The following ACTR3C variants were observed in gnomAD, a reference collection of about 807,000 sequenced individuals.
ACTR3C encodes actin related protein 3C, also known as actin-related protein 3C.
In ACTR3C, 18 loss-of-function variants were observed where a neutral mutation model predicts 26.3. The observed-to-expected ratio is 0.68, with a 90% CI of 0.47 to 1.01. The LOEUF (loss-of-function observed/expected upper bound fraction) is 1.01, where lower values mean the gene tolerates loss of function less well. Ranked by LOEUF, ACTR3C falls within the 50% of genes least tolerant of loss-of-function variation. The probability of loss-of-function intolerance (pLI) is 0.00; values close to 1 mark genes in which losing one functional copy is unlikely to be tolerated. For synonymous variants in ACTR3C, 55 were observed against 94.5 expected (o/e 0.58, Z 2.42); for missense variants, 184 against 250.7 (o/e 0.73, Z 1.80).
the ACTR3C span, among the ~76,000 whole-genome samples, chr7:150,205,232 C>CT: frequency 2.6e-5 from 4 of 152,214 alleles, no homozygotes; most frequent in Non-Finnish European, 5.9e-5. Context: ...TGGAGTCTAA[C>CT]TTACCCATAT....
the ACTR3C span, among the ~76,000 whole-genome samples, chr7:150,039,702 G>GT: frequency 6.8e-6 from 1 of 146,418 alleles, no homozygotes; most frequent in Non-Finnish European, 1.5e-5. Context: ...AAGCCGGGGG[G>GT]GAAGAGGGTC....
At chr7:150,009,849 T>C in the ACTR3C span, among the ~76,000 whole-genome samples, 1 of 152,220 alleles carries the variant, frequency 6.6e-6, no homozygotes, top group Admixed American at 6.5e-5. Context: ...TTACACTCCA[T>C]GTTTGCTCCC....
the ACTR3C span, among the ~76,000 whole-genome samples, chr7:150,069,849 G>A: frequency 1.3e-5 from 2 of 152,164 alleles, no homozygotes; most frequent in Admixed American, 6.5e-5. Flanking sequence ...GGTAGATGTT[G>A]GCAGCAGATC....
At chr7:150,115,812 G>A in the ACTR3C span, among the ~76,000 whole-genome samples, 4,187 of 152,286 alleles carry the variant, frequency 0.027, 214 homozygotes, top group African/African-American at 0.094. Flanking sequence ...TTCAGCAAAG[G>A]CTGGCCGATA....
the ACTR3C span, among the ~76,000 whole-genome samples, chr7:150,167,233 T>C: frequency 6.6e-6 from 1 of 150,858 alleles, no homozygotes; most frequent in South Asian, 2.1e-4. Flanking sequence ...GAACCCTCCA[T>C]ACTGTTGTTC....
the ACTR3C span, among the ~76,000 whole-genome samples, chr7:149,960,423 T>A: frequency 6.6e-6 from 1 of 151,950 alleles, no homozygotes; most frequent in Non-Finnish European, 1.5e-5. Context: ...GATTCTGTGG[T>A]TCTCCTGTAA....
the ACTR3C span, among the ~76,000 whole-genome samples, chr7:150,104,156 T>G: frequency 6.6e-6 from 1 of 151,338 alleles, no homozygotes; most frequent in African/African-American, 2.4e-5. Context: ...AGAAGATTGC[T>G]TATTCCAGAT....
At chr7:150,319,115 A>G (rs1797224223) in intron 1 of ACTR3C, among the ~76,000 whole-genome samples, 1 of 152,242 alleles carries the variant, frequency 6.6e-6, no homozygotes, top group South Asian at 2.1e-4. Flanking sequence ...TTTAAGAGTT[A>G]AAGTGTACAC....
At chr7:150,199,887 GA>G in the ACTR3C span, among the ~76,000 whole-genome samples, 1 of 151,842 alleles carries the variant, frequency 6.6e-6, no homozygotes, top group Non-Finnish European at 1.5e-5. Context: ...AAGAACATAA[GA>G]AAAAATAAAC....
chr7:150,159,082 G>A, the ACTR3C span, among the ~76,000 whole-genome samples: 1 of 152,064 alleles, frequency 6.6e-6, no homozygotes, highest in East Asian at 1.9e-4. Context: ...ATGTCCCTTA[G>A]CTTGATCGTG....
the ACTR3C span, among the ~76,000 whole-genome samples, chr7:150,229,688 G>A: frequency 1.7e-3 from 255 of 148,814 alleles, 2 homozygotes; most frequent in Admixed American, 3.1e-3. Context: ...GTAGAGACAG[G>A]GTTTCACCAT....
the ACTR3C span, among the ~76,000 whole-genome samples, chr7:150,145,307 C>A: frequency 2.0e-5 from 3 of 152,132 alleles, no homozygotes; most frequent in East Asian, 5.8e-4. Context: ...AGGTCCCCAG[C>A]TGTATAAATA....
the ACTR3C span, among the ~76,000 whole-genome samples, chr7:150,208,143 A>ACTGC: frequency 1.3e-5 from 2 of 152,178 alleles, no homozygotes; most frequent in Non-Finnish European, 1.5e-5. Flanking sequence ...TCCCGAGCTT[A>ACTGC]CTGCCTTAGA....
At chr7:150,105,407 ACGGGATAAACTGTC>A in the ACTR3C span, among the ~76,000 whole-genome samples, 97 of 152,100 alleles carry the variant, frequency 6.4e-4, 1 homozygote, top group African/African-American at 2.1e-3. Flanking sequence ...AAAGGAACTC[ACGGGATAAACTGTC>A]CTTATGTTTC....
chr7:150,082,934 CTTTTTTTTTTTTCTTTTTTTT>C, the ACTR3C span, among the ~76,000 whole-genome samples: 22 of 104,958 alleles, frequency 2.1e-4, 1 homozygote, highest in African/African-American at 8.0e-4. Context: ...TCTTTTTTTT[CTTTTTTTTTTTTCTTTTTTTT>C]TTTTTTTCAG....
the ACTR3C span, among the ~76,000 whole-genome samples, chr7:150,238,002 G>C: frequency 2.7e-5 from 4 of 149,942 alleles, no homozygotes; most frequent in Non-Finnish European, 4.4e-5. Flanking sequence ...TCCCCGCATA[G>C]TGTTCTTGGC....
chr7:150,205,881 T>C, the ACTR3C span, among the ~76,000 whole-genome samples: 1 of 152,040 alleles, frequency 6.6e-6, no homozygotes, highest in Non-Finnish European at 1.5e-5. Context: ...AAGAGGCTTA[T>C]AGAAAAGTTT....
chr7:149,907,478 TTCTC>T, the ACTR3C span, among the ~76,000 whole-genome samples: 694 of 97,676 alleles, frequency 7.1e-3, 10 homozygotes, highest in African/African-American at 0.023. Flanking sequence ...CTCTCTTCTC[TTCTC>T]TCTCTCTCTC....
the ACTR3C span, among the ~76,000 whole-genome samples, chr7:149,937,650 A>C: frequency 6.6e-6 from 1 of 152,124 alleles, no homozygotes; most frequent in African/African-American, 2.4e-5. Context: ...AACTGAAGAA[A>C]CAGGAACCGA....
Sources: allele counts gnomAD v4.1 joint callset (sites outside exome capture counted in the v4.1 genomes callset), GRCh38; gene constraint gnomAD v4.1.1; transcripts MANE v1.5; gene names NCBI Gene and HGNC (gene_info 2026-07-23, HGNC 2026-07-21).